The following SLC44A5 variants were observed in gnomAD, a reference collection of about 807,000 sequenced individuals.
The protein encoded by SLC44A5 is choline transporter-like protein 5.
Under a neutral mutation model 101.8 loss-of-function variants are expected in SLC44A5, and 57 were observed. That is an observed-to-expected ratio of 0.56 (90% CI 0.45 to 0.70). The LOEUF is 0.70. SLC44A5 is among the 30% of genes least tolerant of loss of function. The pLI is 0.00. For synonymous variants in SLC44A5, 281 were observed against 290.9 expected, an observed-to-expected ratio of 0.97 and a Z score of 0.35; for missense variants, 737 against 853.1, an observed-to-expected ratio of 0.86 and a Z score of 1.70.
intron 2 of SLC44A5, among the ~76,000 whole-genome samples, chr1:75,493,163 T>C (rs1281270431): frequency 6.6e-6 from 1 of 152,190 alleles, no homozygotes; most frequent in African/African-American, 2.4e-5. Context: ...CCCTTTACAA[T>C]TAGTTGAGTT....
At chr1:75,327,909 C>A (rs1053601885) in intron 4 of SLC44A5, among the ~76,000 whole-genome samples, 1 of 152,172 alleles carries the variant, frequency 6.6e-6, no homozygotes, top group Non-Finnish European at 1.5e-5. Context: ...AGGTTCTCTG[C>A]ACTACTATTT....
chr1:75,439,126 T>C (rs1665051112), intron 2 of SLC44A5, among the ~76,000 whole-genome samples: 1 of 152,088 alleles, frequency 6.6e-6, no homozygotes, highest in Non-Finnish European at 1.5e-5. Flanking sequence ...TGCCATGATC[T>C]TGGGGGCAGA....
chr1:75,271,248 T>G (rs1651441885), intron 6 of SLC44A5, among the ~76,000 whole-genome samples: 1 of 152,066 alleles, frequency 6.6e-6, no homozygotes, highest in Non-Finnish European at 1.5e-5. Flanking sequence ...TTGTTAACCA[T>G]TTTCTGAATC....
Position 75,214,669 on chromosome 1 carries a change from A to G in SLC44A5, c.1738T>C (p.Tyr580His), listed in dbSNP as rs1420504834. ...GCTGACCTGCAGAAGTTTCTGCCAT[A>G]TATTGCAATCTGAGGAAGACAGTGG... The part of the protein sequence containing the change: ...NRNAYIMIAI[Y>H]GRNFCRSAKD... The change falls in exon 20 of 24, where the codon TAT becomes CAT. Residue 580 changes from tyrosine to histidine, a missense_variant. By Grantham distance (83) the Tyr-to-His change is moderately conservative. Around this residue, in one of 3 missense-constraint regions of SLC44A5, gnomAD observed 665 missense variants for 764.4 expected, o/e 0.87. Coordinates refer to ENST00000370859, the MANE Select transcript of SLC44A5 (RefSeq NM_001130058.2). 1 of 1,611,076 alleles carries G rather than the reference A, an allele frequency of 6.2e-7. No homozygotes were observed. The highest frequency in any genetic ancestry group is 8.5e-7 in the Non-Finnish European group (1 of 1,178,514).
intron 2 of SLC44A5, among the ~76,000 whole-genome samples, chr1:75,478,299 T>G (rs1002749420): frequency 6.6e-6 from 1 of 152,170 alleles, no homozygotes; most frequent in Non-Finnish European, 1.5e-5. Context: ...TGCAAAATCA[T>G]GCCAAATTGT....
intron 4 of SLC44A5, among the ~76,000 whole-genome samples, chr1:75,301,867 TA>T (rs1654475413): frequency 6.6e-6 from 1 of 152,174 alleles, no homozygotes; most frequent in Admixed American, 6.5e-5. Context: ...GTTATGTTAA[TA>T]TGATTGTAAT....
At chr1:75,575,618 A>C (rs992268111) in intron 1 of SLC44A5, among the ~76,000 whole-genome samples, 1 of 152,192 alleles carries the variant, frequency 6.6e-6, no homozygotes, top group African/African-American at 2.4e-5. Flanking sequence ...TGTTTGGACA[A>C]GTTATTTAGA....
chr1:75,473,502 G>T (rs1667221213), intron 2 of SLC44A5, among the ~76,000 whole-genome samples: 1 of 152,126 alleles, frequency 6.6e-6, no homozygotes, highest in African/African-American at 2.4e-5. Context: ...ATGGGGTTTT[G>T]TTTGTTTCTT....
intron 2 of SLC44A5, among the ~76,000 whole-genome samples, chr1:75,484,164 TC>T (rs1394826544): frequency 6.6e-6 from 1 of 152,088 alleles, no homozygotes; most frequent in African/African-American, 2.4e-5. Flanking sequence ...TTCCCAACAG[TC>T]CCCCAAAGTC....
At chr1:75,411,915 T>C (rs937639975) in intron 2 of SLC44A5, among the ~76,000 whole-genome samples, 1 of 152,144 alleles carries the variant, frequency 6.6e-6, no homozygotes, top group African/African-American at 2.4e-5. Flanking sequence ...GTGTAGCCCA[T>C]ATCCATAGAT....
At chr1:75,683,300 T>C in the SLC44A5 span, among the ~76,000 whole-genome samples, 1 of 152,156 alleles carries the variant, frequency 6.6e-6, no homozygotes, top group African/African-American at 2.4e-5. Context: ...TAAAGACACA[T>C]GCATACGTAT....
chr1:75,364,305 G>A (rs1046847342), intron 3 of SLC44A5, among the ~76,000 whole-genome samples: 5 of 152,100 alleles, frequency 3.3e-5, no homozygotes, highest in African/African-American at 1.2e-4. Flanking sequence ...TCAGCTTCTG[G>A]GGAGGCCTCA....
intron 1 of SLC44A5, among the ~76,000 whole-genome samples, chr1:75,577,386 T>C (rs369328351): frequency 1.1e-4 from 16 of 152,364 alleles, no homozygotes; most frequent in African/African-American, 3.8e-4. Flanking sequence ...GTTGCTCTCC[T>C]CCTGGCCATG....
chr1:75,550,807 C>T (rs571354035), intron 1 of SLC44A5, among the ~76,000 whole-genome samples: 1 of 152,206 alleles, frequency 6.6e-6, no homozygotes, highest in African/African-American at 2.4e-5. Context: ...GAAAGAAGAA[C>T]ATGTTTCAAG....
At chr1:75,539,102 C>T (rs1557887130) in intron 2 of SLC44A5, among the ~76,000 whole-genome samples, 2 of 152,082 alleles carry the variant, frequency 1.3e-5, no homozygotes. Flanking sequence ...ATAGTCTATC[C>T]CCTGACGAAT....
At chr1:75,242,842 A>C in intron 8 of SLC44A5, 44 bp downstream of exon 8, 1 of 1,533,380 alleles carries the variant, frequency 6.5e-7, no homozygotes, top group Non-Finnish European at 8.8e-7. Context: ...AGATTGAAAA[A>C]AAAAGTTAAA....
chr1:75,388,264 AAAG>A (rs1467897087), intron 3 of SLC44A5, among the ~76,000 whole-genome samples: 3 of 151,804 alleles, frequency 2.0e-5, no homozygotes, highest in Admixed American at 1.3e-4. Flanking sequence ...AAAAAAAAAA[AAAG>A]AAAATTCATT....
At chr1:75,416,607 T>C (rs553544108) in intron 2 of SLC44A5, among the ~76,000 whole-genome samples, 1 of 152,258 alleles carries the variant, frequency 6.6e-6, no homozygotes, top group Admixed American at 6.5e-5. Flanking sequence ...CAGCTTGCAC[T>C]GTGTGCCTGA....
chr1:75,355,330 T>C (rs192097647), intron 3 of SLC44A5, among the ~76,000 whole-genome samples: 11 of 152,342 alleles, frequency 7.2e-5, no homozygotes, highest in African/African-American at 2.6e-4. Flanking sequence ...AAAAAGTTTA[T>C]ATTCTAACAC....
Sources: allele counts gnomAD v4.1 joint callset (sites outside exome capture counted in the v4.1 genomes callset), GRCh38; gene constraint gnomAD v4.1.1; regional missense constraint gnomAD v4.1.1; transcripts MANE v1.5; gene names NCBI Gene and HGNC (gene_info 2026-07-23, HGNC 2026-07-21).